The following ZC3H8 variants were observed in gnomAD, a reference collection of about 807,000 sequenced individuals.
ZC3H8 encodes the protein zinc finger CCCH-type containing 8, also known as zinc finger CCCH domain-containing protein 8.
Under a neutral mutation model 42.5 loss-of-function variants are expected in ZC3H8, and 27 were observed. That is an observed-to-expected ratio of 0.64 (90% CI 0.47 to 0.88). The LOEUF is 0.88. Ranked by LOEUF, ZC3H8 falls within the 40% of genes least tolerant of loss-of-function variation. The pLI is 0.00. For synonymous variants in ZC3H8, 101 were observed against 110.1 expected (o/e 0.92, Z 0.52); for missense variants, 277 against 336.1 (o/e 0.82, Z 1.37).
rs1452288575 is a variant in ZC3H8 at position 112,213,900 on chromosome 2, C to T, written c.*2584G>A. 1 of 145,124 alleles carries T rather than the reference C, an allele frequency of 6.9e-6. No individual in the cohort carries two copies. The highest frequency in any genetic ancestry group is 1.5e-5 in the Non-Finnish European group (1 of 66,982). 9.0% of individuals were successfully genotyped at this position (145,124 alleles called of 1,614,324 possible). A position where few individuals can be genotyped will look rare whatever the true frequency, so the allele number is the denominator to read the frequency against. On this transcript the variant is annotated 3_prime_UTR_variant, in exon 9 of 9. Coordinates refer to ENST00000409573, the MANE Select transcript of ZC3H8 (RefSeq NM_032494.3). ...ACACAGAATTTTAGAAATGAGAATT[C>T]TGTCCATTCTATTCTGTGATTTCCA... is the stretch of plus-strand genomic sequence containing the variant.
chr2:112,225,377 C>G (rs1290890436), intron 8 of ZC3H8, among the ~76,000 whole-genome samples: 1 of 152,174 alleles, frequency 6.6e-6, no homozygotes, highest in Non-Finnish European at 1.5e-5. Flanking sequence ...ACTTGGGAGG[C>G]TTAGGTAGAA....
intron 8 of ZC3H8, among the ~76,000 whole-genome samples, chr2:112,220,069 G>A (rs1030323074): frequency 4.6e-5 from 7 of 152,176 alleles, no homozygotes; most frequent in African/African-American, 1.7e-4. Flanking sequence ...TCCTCCTGAA[G>A]ACAGCATACC....
chr2:112,250,860 C>A (rs60947478), intron 1 of ZC3H8, among the ~76,000 whole-genome samples: 2 of 151,898 alleles, frequency 1.3e-5, no homozygotes, highest in Non-Finnish European at 2.9e-5. Context: ...AGATTAGGAG[C>A]GAGACAAACA....
intron 2 of ZC3H8, among the ~76,000 whole-genome samples, chr2:112,246,198 A>G (rs1427653980): frequency 2.6e-5 from 4 of 152,228 alleles, no homozygotes; most frequent in African/African-American, 9.6e-5. Flanking sequence ...ACTACTGCTC[A>G]TTGACAATGC....
chr2:112,234,817 A>T (rs764509344), intron 4 of ZC3H8, among the ~76,000 whole-genome samples: 58 of 152,278 alleles, frequency 3.8e-4, no homozygotes, highest in Non-Finnish European at 8.4e-4. Flanking sequence ...AAAAAAAAAA[A>T]ATTAAATGAA....
chr2:112,254,382 T>C (rs906650320), intron 1 of ZC3H8, among the ~76,000 whole-genome samples: 8 of 152,232 alleles, frequency 5.3e-5, no homozygotes, highest in Non-Finnish European at 7.3e-5. Flanking sequence ...TATTGTGGTC[T>C]TTAGGGTCTT....
At chr2:112,218,974 C>T (rs547849884) in intron 8 of ZC3H8, among the ~76,000 whole-genome samples, 1 of 152,260 alleles carries the variant, frequency 6.6e-6, no homozygotes, top group African/African-American at 2.4e-5. Flanking sequence ...AATGGAAAGA[C>T]ATCTCATGTT....
At chr2:112,223,232 A>G (rs543285012) in intron 8 of ZC3H8, among the ~76,000 whole-genome samples, 2 of 152,288 alleles carry the variant, frequency 1.3e-5, no homozygotes, top group Non-Finnish European at 1.5e-5. Flanking sequence ...CGTTGTGCAC[A>G]TGTACCCTAG....
intron 5 of ZC3H8, 94 bp from the exon 6 acceptor site, chr2:112,233,465 TC>T: frequency 1.2e-6 from 1 of 843,538 alleles, no homozygotes; most frequent in South Asian, 1.7e-5. Flanking sequence ...AGCAAATGAT[TC>T]CAGAAAGAAC....
chr2:112,226,229 T>A (rs578112075), intron 8 of ZC3H8, among the ~76,000 whole-genome samples: 157 of 150,564 alleles, frequency 1.0e-3, no homozygotes, highest in African/African-American at 3.1e-3. Context: ...GTTTTTTTTT[T>A]AAAAAAGAAA....
At chr2:112,218,408 G>C (rs1349746184) in intron 8 of ZC3H8, among the ~76,000 whole-genome samples, 1 of 151,956 alleles carries the variant, frequency 6.6e-6, no homozygotes, top group Non-Finnish European at 1.5e-5. Context: ...TTCCTATTAA[G>C]GTATAGCATA....
At chr2:112,225,735 T>C (rs1197670206) in intron 8 of ZC3H8, among the ~76,000 whole-genome samples, 1 of 152,114 alleles carries the variant, frequency 6.6e-6, no homozygotes, top group Non-Finnish European at 1.5e-5. Context: ...GAATATCACT[T>C]GAACCCAGGA....
At chr2:112,236,240 C>T (rs1406854429) in intron 4 of ZC3H8, among the ~76,000 whole-genome samples, 2 of 151,916 alleles carry the variant, frequency 1.3e-5, no homozygotes, top group Admixed American at 6.6e-5. Context: ...GGTTACAAGG[C>T]GAGACTCTGT....
At chr2:112,249,477 T>C (rs1434239881) in intron 2 of ZC3H8, among the ~76,000 whole-genome samples, 1 of 152,090 alleles carries the variant, frequency 6.6e-6, no homozygotes, top group African/African-American at 2.4e-5. Context: ...GGAGTCTCGC[T>C]TTGTTGCCCA....
chr2:112,217,852 G>A (rs1684396935), intron 8 of ZC3H8, among the ~76,000 whole-genome samples: 1 of 151,946 alleles, frequency 6.6e-6, no homozygotes, highest in Non-Finnish European at 1.5e-5. Flanking sequence ...ATCTATATCT[G>A]AAAAAAAATG....
At chr2:112,248,560 G>A (rs772530020) in intron 2 of ZC3H8, among the ~76,000 whole-genome samples, 21 of 151,694 alleles carry the variant, frequency 1.4e-4, no homozygotes, top group African/African-American at 2.4e-4. Context: ...GCATGATATC[G>A]GCTCACCGCA....
rs556295699 is a variant in ZC3H8 at position 112,228,022 on chromosome 2, C to T, written c.*15+2881G>A. ...AAGTAGAACAAAGCTAGACAGCTTACGCTTCCTTATTTCAAAACTTAGAAC... is the reference window on the plus strand; with the variant it reads ...AAGTAGAACAAAGCTAGACAGCTTATGCTTCCTTATTTCAAAACTTAGAAC... On this transcript the variant is annotated intron_variant, in intron 8 of 8. Coordinates refer to ENST00000409573, the MANE Select transcript of ZC3H8 (RefSeq NM_032494.3). 4.6e-5 allele frequency among the ~76,000 whole-genome samples: 7 copies of T among 152,318 alleles called. No homozygotes were observed. The South Asian group carries it at 6.2e-4, about 14-fold the overall frequency.
At chr2:112,242,426 G>A (rs114234695) in intron 2 of ZC3H8, among the ~76,000 whole-genome samples, 77 of 152,332 alleles carry the variant, frequency 5.1e-4, no homozygotes, top group African/African-American at 1.8e-3. Context: ...GAGCTGAGTA[G>A]CTGCAAGAGA....
rs572533089 is a variant in ZC3H8, at chr2:112,246,368, T to G, written c.156+3823A>C. Among the ~76,000 whole-genome samples, 3 of 152,326 alleles carry G rather than the reference T, an allele frequency of 2.0e-5. No individual in the cohort carries two copies. In the East Asian group the frequency reaches 5.8e-4, roughly 29 times the overall value. On this transcript the variant is annotated intron_variant, in intron 2 of 8. Transcript: ENST00000409573. The stretch of plus-strand genomic sequence containing the variant: ...TTAAGGTTATAGTAGCCATAGAAAG[T>G]GATTTCTCTGATGGATCTGGGCAGA...
Sources: gnomAD v4.1 joint callset for allele counts (sites outside exome capture counted in the v4.1 genomes callset) on GRCh38, gnomAD v4.1.1 for gene constraint, MANE v1.5 for transcripts, NCBI Gene and HGNC (gene_info 2026-07-23, HGNC 2026-07-21) for gene names.